Variants in PDE8B observed in about 807,000 individuals in gnomAD.
PDE8B encodes high affinity cAMP-specific and IBMX-insensitive 3',5'-cyclic phosphodiesterase 8B.
A neutral mutation model predicts 101.3 loss-of-function variants in PDE8B; 26 were observed. That is an observed-to-expected ratio of 0.26 (90% CI 0.19 to 0.36). PDE8B has a LOEUF of 0.36. PDE8B is among the 10% of genes least tolerant of loss of function. The probability of loss-of-function intolerance (pLI) is 1.00; values close to 1 mark genes in which losing one functional copy is unlikely to be tolerated. For synonymous variants in PDE8B, 424 were observed against 429.3 expected, an observed-to-expected ratio of 0.99 and a Z score of 0.15; for missense variants, 810 against 1,163.1, an observed-to-expected ratio of 0.70 and a Z score of 4.42.
intron 1 of PDE8B, among the ~76,000 whole-genome samples, chr5:77,273,120 G>A (rs1763121600): frequency 6.6e-6 from 1 of 152,162 alleles, no homozygotes; most frequent in Non-Finnish European, 1.5e-5. Context: ...TTTATGATGT[G>A]GCAGACTTGT....
At chr5:77,148,303 T>C in the PDE8B span, 1 of 152,194 alleles carries the variant, frequency 6.6e-6, no homozygotes, top group Admixed American at 6.5e-5. Flanking sequence ...TTGGGTTGTT[T>C]CCTGATTTTG....
intron 11 of PDE8B, among the ~76,000 whole-genome samples, chr5:77,401,636 T>C (rs1792304299): frequency 6.6e-6 from 1 of 152,220 alleles, no homozygotes; most frequent in Admixed American, 6.5e-5. Context: ...ACAATGCCTG[T>C]CACAAAGTAG....
chr5:77,096,129 A>G, the PDE8B span, among the ~76,000 whole-genome samples: 2 of 152,096 alleles, frequency 1.3e-5, no homozygotes, highest in Non-Finnish European at 2.9e-5. Flanking sequence ...AGCTGGGACT[A>G]CAGGCGCACG....
At chr5:77,422,132 T>C in intron 20 of PDE8B, 144 bp downstream of exon 20, 1 of 861,966 alleles carries the variant, frequency 1.2e-6, no homozygotes, top group African/African-American at 1.7e-5. Flanking sequence ...TACCCCCACC[T>C]GGGGTAGGCT....
chr5:77,270,734 G>T (rs927097402), intron 1 of PDE8B, among the ~76,000 whole-genome samples: 3 of 152,180 alleles, frequency 2.0e-5, no homozygotes, highest in African/African-American at 7.2e-5. Context: ...ACACTGCTTT[G>T]GCAGAAGGAA....
intron 1 of PDE8B, among the ~76,000 whole-genome samples, chr5:77,306,085 T>G (rs565723757): frequency 6.6e-6 from 1 of 152,212 alleles, no homozygotes; most frequent in East Asian, 1.9e-4. Context: ...TTCTTCTTGG[T>G]GCTGGGCCAG....
intron 1 of PDE8B, among the ~76,000 whole-genome samples, chr5:77,248,914 C>G (rs989759): frequency 0.41 from 62,448 of 152,058 alleles, 13,370 homozygotes; most frequent in East Asian, 0.75. Context: ...TGTGAGGACA[C>G]AGCAAGAAGA....
chr5:77,105,984 G>A, the PDE8B span: 1 of 152,120 alleles, frequency 6.6e-6, no homozygotes, highest in African/African-American at 2.4e-5. Flanking sequence ...CTTTAGCAAA[G>A]GGTCTTTTCA....
At chr5:77,399,132 A>G (rs1791700725) in intron 10 of PDE8B, among the ~76,000 whole-genome samples, 1 of 152,268 alleles carries the variant, frequency 6.6e-6, no homozygotes. Context: ...ACACTTGCAG[A>G]GAAAGGCAAG....
intron 1 of PDE8B, among the ~76,000 whole-genome samples, chr5:77,297,629 C>A (rs1768893566): frequency 6.6e-6 from 1 of 152,150 alleles, no homozygotes; most frequent in Non-Finnish European, 1.5e-5. Flanking sequence ...AGTGATCCAG[C>A]CAACTACAAT....
chr5:77,329,139 A>G (rs536386527), intron 4 of PDE8B, 82 bp downstream of exon 4: 7 of 1,051,854 alleles, frequency 6.7e-6, no homozygotes, highest in Admixed American at 3.4e-5. Flanking sequence ...TTTTTGAGCT[A>G]TCTAAGCAAT....
Position 77,421,997 on chromosome 5 carries a change from T to C in PDE8B, c.2418+9T>C, listed in dbSNP as rs779485097. 1 of 1,613,276 alleles carries C rather than the reference T, an allele frequency of 6.2e-7. No homozygotes were observed. The highest frequency in any genetic ancestry group is 8.5e-7 in the Non-Finnish European group (1 of 1,179,692). ...AGGAGTATTTTGCACAGGTGCGCCA[T>C]CTTTCCAGGGAAGCTCCACTTCCCC... On this transcript the variant is annotated intron_variant, in intron 20 of 21. Transcript: ENST00000264917.
At chr5:77,295,196 A>G (rs1580851257) in intron 1 of PDE8B, among the ~76,000 whole-genome samples, 1 of 152,184 alleles carries the variant, frequency 6.6e-6, no homozygotes, top group East Asian at 1.9e-4. Context: ...AGAAAAAGTG[A>G]GCCAATTATT....
intron 14 of PDE8B, 28 bp downstream of exon 14, chr5:77,409,085 C>T: frequency 1.2e-6 from 2 of 1,605,678 alleles, no homozygotes; most frequent in Non-Finnish European, 1.7e-6. Context: ...ACCTGAAAAG[C>T]AAGAGAGGTA....
Position 77,279,780 on chromosome 5 carries a change from G to A in PDE8B, c.340-32214G>A, listed in dbSNP as rs949634578. On this transcript the variant is annotated intron_variant, in intron 1 of 21. Coordinates refer to ENST00000264917, the MANE Select transcript of PDE8B (RefSeq NM_003719.5). ...ACTTGAATTACCTCCTGTACCACCTGTGCTACCTCTGTGCCTCTCTGAACC... is the reference window on the plus strand; with the variant it reads ...ACTTGAATTACCTCCTGTACCACCTATGCTACCTCTGTGCCTCTCTGAACC... 7.2e-5 allele frequency among the ~76,000 whole-genome samples: 11 copies of A among 152,182 alleles called. 1 individual carries two copies. The highest frequency in any genetic ancestry group is 2.7e-4 in the African/African-American group (11 of 41,432).
At chr5:77,390,469 G>A (rs547930151) in intron 10 of PDE8B, among the ~76,000 whole-genome samples, 129 of 152,270 alleles carry the variant, frequency 8.5e-4, no homozygotes, top group African/African-American at 3.0e-3. Context: ...GGTTTCCCCA[G>A]TAACACACAA....
rs116390370 is a variant in PDE8B at position 77,417,296 on chromosome 5, T to A, written c.1912-933T>A. On this transcript the variant is annotated intron_variant, in intron 17 of 21. Transcript: ENST00000264917. Reference sequence around the variant, plus strand: ...CCCTAAACTAGACCAGGTCCCATGGTTATACTCCCAAAGCATCTGTACTTT... The same window carrying A: ...CCCTAAACTAGACCAGGTCCCATGGATATACTCCCAAAGCATCTGTACTTT... Among the ~76,000 whole-genome samples, 541 of 152,270 alleles carry A rather than the reference T, an allele frequency of 3.6e-3. 2 individuals carry two copies. Among genetic ancestry groups the A allele is most frequent in the Non-Finnish European group, 6.1e-3 (413 of 68,024 alleles).
upstream of PDE8B, among the ~76,000 whole-genome samples, chr5:77,208,457 T>C (rs1747681647): frequency 6.6e-6 from 1 of 152,236 alleles, no homozygotes; most frequent in African/African-American, 2.4e-5. Context: ...GGGACTAGTA[T>C]AGAGACTAGT....
At chr5:77,230,855 A>G (rs911127387) in intron 1 of PDE8B, among the ~76,000 whole-genome samples, 1 of 152,222 alleles carries the variant, frequency 6.6e-6, no homozygotes, top group Non-Finnish European at 1.5e-5. Flanking sequence ...CCTGGAGGAA[A>G]AGCAAGAGAC....
Sources: gnomAD v4.1 joint callset for allele counts (sites outside exome capture counted in the v4.1 genomes callset) on GRCh38, gnomAD v4.1.1 for gene constraint, MANE v1.5 for transcripts, NCBI Gene and HGNC (gene_info 2026-07-23, HGNC 2026-07-21) for gene names.